SNAP47: variants seen among roughly 807,000 people sequenced by gnomAD.
SNAP47 encodes the protein synaptosomal-associated protein 47.
In SNAP47, 20 loss-of-function variants were observed where a neutral mutation model predicts 31.4. That is an observed-to-expected ratio of 0.64 (90% CI 0.45 to 0.93). SNAP47 has a LOEUF of 0.93. Among genes scored for constraint, SNAP47 ranks in the 40% least tolerant of loss-of-function variants. The pLI is 0.00. For missense variants in SNAP47, 492 were observed against 528.5 expected (o/e 0.93, Z 0.68); for synonymous variants, 194 against 213.4 (o/e 0.91, Z 0.79).
intron 3 of SNAP47, among the ~76,000 whole-genome samples, chr1:227,764,510 T>C (rs2102968542): frequency 6.6e-6 from 1 of 152,288 alleles, no homozygotes; most frequent in East Asian, 1.9e-4. Context: ...GGTTCATGCC[T>C]GCAGCCCAGC....
In SNAP47 at chr1:227,781,112, G is replaced by C; in HGVS notation, c.*439G>C. On this transcript the variant is annotated 3_prime_UTR_variant, in exon 5 of 5. Transcript: ENST00000617596. Reference sequence around the variant, plus strand: ...ATAAACACCCAACTGTTCTTTTATCGTCTCGGTTTTAGCCAAAAGTGAAAT... The same window carrying C: ...ATAAACACCCAACTGTTCTTTTATCCTCTCGGTTTTAGCCAAAAGTGAAAT... 1 of 159,660 alleles carries C rather than the reference G, an allele frequency of 6.3e-6. No homozygotes were observed. The highest frequency in any genetic ancestry group is 1.4e-5 in the Non-Finnish European group (1 of 73,170). The allele number at this position is 159,660 out of a possible 1,614,324, so 9.9% of individuals were successfully genotyped here. A position where few individuals can be genotyped will look rare whatever the true frequency, so the allele number is the denominator to read the frequency against.
upstream of SNAP47, chr1:227,735,247 G>C (rs556796845): frequency 1.2e-6 from 2 of 1,601,764 alleles, no homozygotes; most frequent in African/African-American, 2.7e-5. Flanking sequence ...AGTGGCTGTC[G>C]GCGAGGGCGC....
In SNAP47 at chr1:227,759,455, G is replaced by T. The variant is rs183802543; in HGVS notation, c.958G>T (p.Ala320Ser). The T allele has an allele frequency of 5.6e-6, 9 of 1,614,102 alleles. No homozygotes were observed. The South Asian group carries it at 9.9e-5, about 18-fold the overall frequency. The change falls in exon 3 of 5, where the codon GCA becomes TCA. Residue 320 changes from alanine (A) to serine (S), a missense_variant. Transcript: ENST00000617596. ...CAGAAGCGCAAGAACCTCTTCCCCC[G>T]CAGAGAAGAGCTGCTCAGTCTGGCA... ...VLRSARTSSP[A>S]EKSCSVWHAA...
At position 227,762,911 on chromosome 1, in the gene SNAP47, C is replaced by T. The variant is rs1199205536; in HGVS notation, c.988+3426C>T. Among the ~76,000 whole-genome samples, 3 of 152,130 alleles carry T rather than the reference C, an allele frequency of 2.0e-5. No homozygotes were observed. Among genetic ancestry groups the T allele is most frequent in the South Asian group, 2.1e-4 (1 of 4,826 alleles). ...AGGCCACAGGGTGAGGTTTCCTTCC[C>T]ACACATCCTACCAAGGGACATGCAC... On this transcript the variant is annotated intron_variant, in intron 3 of 4. Coordinates refer to ENST00000617596, the MANE Select transcript of SNAP47 (RefSeq NM_053052.4). This position sits in a 1 kb window ranked among gnomAD's most constrained non-coding sequence, Gnocchi z 4.2.
intron 4 of SNAP47, among the ~76,000 whole-genome samples, chr1:227,773,034 C>G (rs763679287): frequency 8.6e-5 from 13 of 151,924 alleles, no homozygotes; most frequent in Non-Finnish European, 1.8e-4. Context: ...GATCTCGGTT[C>G]ACTGCAATCT....
chr1:227,733,508 C>T (rs200050685), upstream of SNAP47: 17 of 1,595,970 alleles, frequency 1.1e-5, no homozygotes, highest in East Asian at 2.2e-4. Flanking sequence ...AAGCTGGTTC[C>T]GTGGGTGCAG....
At chr1:227,732,977 G>A (rs1366287366), upstream of SNAP47, 7 of 1,613,314 alleles carry the variant, frequency 4.3e-6, no homozygotes, top group East Asian at 2.2e-5. Flanking sequence ...GCCACATGTT[G>A]GCCAGGTTGA....
At chr1:227,732,021 C>T, upstream of SNAP47, 1 of 305,046 alleles carries the variant, frequency 3.3e-6, no homozygotes, top group East Asian at 7.3e-5. Context: ...GGTCCAATGG[C>T]CTGAGACGAG....
At chr1:227,736,518 T>G (rs1334580665) in intron 1 of SNAP47, 2 of 129,114 alleles carry the variant, frequency 1.5e-5, no homozygotes, top group South Asian at 2.8e-4. Context: ...TTTTTTTTTT[T>G]TTTTTTTTTT....
At chr1:227,766,370 C>T (rs1663402687) in intron 3 of SNAP47, among the ~76,000 whole-genome samples, 1 of 152,242 alleles carries the variant, frequency 6.6e-6, no homozygotes, top group African/African-American at 2.4e-5. Context: ...GTGGCCTCTG[C>T]AGGAGGCACA....
intron 2 of SNAP47, among the ~76,000 whole-genome samples, 195 bp from the exon 3 acceptor site, chr1:227,758,800 G>GTC (rs1662856237): frequency 6.6e-6 from 1 of 151,760 alleles, no homozygotes; most frequent in African/African-American, 2.4e-5. Context: ...TGTTCTCACT[G>GTC]CTGGCCCCCA....
Position 227,748,018 on chromosome 1 carries a change from C to CGAGCA in SNAP47, c.283_287dup (p.His96GlnfsTer29). On this transcript the variant is annotated frameshift_variant, in exon 2 of 5. Coordinates refer to ENST00000617596, the MANE Select transcript of SNAP47 (RefSeq NM_053052.4). LOFTEE classifies it high-confidence loss of function. ...GTCGAAATGTGGTCTTCAGCATCATCGAGCATTTCTGGAGGGAGCTGCTGC... is the reference window on the plus strand; with the variant it reads ...GTCGAAATGTGGTCTTCAGCATCATCGAGCAGAGCATTTCTGGAGGGAGCTGCTGC... 2 of 1,614,208 alleles carry CGAGCA rather than the reference C, an allele frequency of 1.2e-6. No individual in the cohort carries two copies. The highest frequency in any genetic ancestry group is 1.6e-4 in the Middle Eastern group (1 of 6,062).
intron 3 of SNAP47, among the ~76,000 whole-genome samples, chr1:227,766,297 G>A (rs1247334260): frequency 2.6e-5 from 4 of 152,236 alleles, no homozygotes; most frequent in Admixed American, 1.3e-4. Context: ...ACAACATTGC[G>A]CCCTTATCTG....
Position 227,763,121 on chromosome 1 carries a change from T to G in SNAP47, c.988+3636T>G, listed in dbSNP as rs1663169259. On this transcript the variant is annotated intron_variant, in intron 3 of 4. Transcript: ENST00000617596. This position sits in a 1 kb window ranked among gnomAD's most constrained non-coding sequence, Gnocchi z 4.2. ...ATAGGCACATATCACCATGCCCAGC[T>G]AATTTTTTTTTTTTTTAATTATGGG... 1.3e-5 allele frequency among the ~76,000 whole-genome samples: 2 copies of G among 151,814 alleles called. No individual in the cohort carries two copies. Among genetic ancestry groups the G allele is most frequent in the Admixed American group, 6.6e-5 (1 of 15,244 alleles).
upstream of SNAP47, among the ~76,000 whole-genome samples, chr1:227,730,193 G>A (rs1215963881): frequency 6.6e-6 from 1 of 152,192 alleles, no homozygotes; most frequent in African/African-American, 2.4e-5. Context: ...TCCTCACCTC[G>A]TACCCCAGGA....
At position 227,773,680 on chromosome 1, in the gene SNAP47, G is replaced by A. The variant is rs184747575; in HGVS notation, c.1113+6597G>A. 3.1e-4 allele frequency among the ~76,000 whole-genome samples: 47 copies of A among 152,324 alleles called. 1 individual carries two copies. The highest frequency in any genetic ancestry group is 1.1e-3 in the African/African-American group (45 of 41,568). On this transcript the variant is annotated intron_variant, in intron 4 of 4. Transcript: ENST00000617596. Reference sequence around the variant, plus strand: ...TGCACATTTACGGCACCTTCTCCACGTTTAGATGTGCAGGTAGTTAGCGTG... The same window carrying A: ...TGCACATTTACGGCACCTTCTCCACATTTAGATGTGCAGGTAGTTAGCGTG...
At chr1:227,734,828 G>T (rs368012268), upstream of SNAP47, 1 of 1,613,438 alleles carries the variant, frequency 6.2e-7, no homozygotes, top group Non-Finnish European at 8.5e-7. Flanking sequence ...TGAAATGAAA[G>T]GCACGGTCCA....
At chr1:227,756,443 T>C (rs181455900) in intron 2 of SNAP47, among the ~76,000 whole-genome samples, 1 of 152,362 alleles carries the variant, frequency 6.6e-6, no homozygotes, top group African/African-American at 2.4e-5. Flanking sequence ...TAAGATCTAA[T>C]TTGCAAATTA....
At chr1:227,733,295 C>T, upstream of SNAP47, 1 of 1,108,820 alleles carries the variant, frequency 9.0e-7, no homozygotes, top group Non-Finnish European at 1.3e-6. Context: ...GTGAAGGGGT[C>T]AGCCTCACCC....
Sources: gnomAD v4.1 joint callset for allele counts (sites outside exome capture counted in the v4.1 genomes callset) on GRCh38, gnomAD v4.1.1 for gene constraint, Gnocchi (gnomAD v3.1) non-coding constraint, MANE v1.5 for transcripts, NCBI Gene and HGNC (gene_info 2026-07-23, HGNC 2026-07-21) for gene names.